Variants in TAFA5 observed in about 807,000 individuals in gnomAD.
The protein encoded by TAFA5 is TAFA chemokine like family member 5, also known as chemokine-like protein TAFA-5.
In TAFA5, 6 loss-of-function variants were observed where a neutral mutation model predicts 15.3. That is an observed-to-expected ratio of 0.39 (90% confidence interval 0.21 to 0.77). The LOEUF is 0.77. TAFA5 is among the 30% of genes least tolerant of loss of function. The probability of loss-of-function intolerance (pLI) is 0.41; values close to 1 mark genes in which losing one functional copy is unlikely to be tolerated. For synonymous variants in TAFA5, 103 were observed against 80.7 expected (o/e 1.28, Z -1.48); for missense variants, 161 against 193.1 (o/e 0.83, Z 0.98).
intron 3 of TAFA5, among the ~76,000 whole-genome samples, chr22:48,747,580 C>G (rs909723447): frequency 6.6e-6 from 1 of 152,094 alleles, no homozygotes; most frequent in African/African-American, 2.4e-5. Context: ...TTACTGGAAC[C>G]TTTAGTATGG....
At position 48,569,893 on chromosome 22, in the gene TAFA5, GGGGACTTCTTTGGGCCCTCAT is replaced by G. The variant is rs574547393; in HGVS notation, c.113-76700_113-76680del. Among the ~76,000 whole-genome samples the G allele has an allele frequency of 2.7e-3, 413 of 152,338 alleles. 6 individuals are homozygous for G. The East Asian group carries it at 0.073, about 27-fold the overall frequency. On this transcript the variant is annotated intron_variant, in intron 1 of 3. Transcript: ENST00000402357. ...TGGCCTGTCATGCTCTAGTCCTTCT[GGGGACTTCTTTGGGCCCTCAT>G]GGGCCATGCTGGATTTACCCCAATG...
At chr22:48,525,617 GC>G (rs1464981017) in intron 1 of TAFA5, among the ~76,000 whole-genome samples, 1 of 152,192 alleles carries the variant, frequency 6.6e-6, no homozygotes, top group African/African-American at 2.4e-5. Context: ...TTCCCTGGGG[GC>G]TTGTGGACCA....
At chr22:48,498,618 G>T (rs1169309518) in intron 1 of TAFA5, among the ~76,000 whole-genome samples, 1 of 152,068 alleles carries the variant, frequency 6.6e-6, no homozygotes, top group Non-Finnish European at 1.5e-5. Flanking sequence ...CCAGTTCAGG[G>T]TTTCTCAGGG....
intron 1 of TAFA5, among the ~76,000 whole-genome samples, chr22:48,519,974 T>A (rs1276353742): frequency 2.0e-5 from 3 of 152,244 alleles, no homozygotes; most frequent in Non-Finnish European, 4.4e-5. Flanking sequence ...TTAGTTAAGA[T>A]GTGGTCACAC....
chr22:48,587,580 T>C (rs890729881), intron 1 of TAFA5, among the ~76,000 whole-genome samples: 1 of 152,178 alleles, frequency 6.6e-6, no homozygotes, highest in Admixed American at 6.5e-5. Context: ...AATGGAGCCC[T>C]GGAGGGTCCC....
chr22:48,706,434 C>A (rs1256902925), intron 2 of TAFA5, among the ~76,000 whole-genome samples: 8 of 152,242 alleles, frequency 5.3e-5, no homozygotes, highest in Admixed American at 1.3e-4. Context: ...CACATGCAGT[C>A]CATCCACTTG....
chr22:48,589,819 G>GT (rs1924494970), intron 1 of TAFA5, among the ~76,000 whole-genome samples: 1 of 151,018 alleles, frequency 6.6e-6, no homozygotes. Context: ...GCTTTTAGAG[G>GT]AAGCGCAGGC....
chr22:48,743,699 A>G (rs893382118), intron 3 of TAFA5, among the ~76,000 whole-genome samples: 23 of 152,206 alleles, frequency 1.5e-4, no homozygotes, highest in African/African-American at 5.5e-4. Flanking sequence ...CGAGGCGCTG[A>G]CGTCTCTGAT....
intron 3 of TAFA5, among the ~76,000 whole-genome samples, chr22:48,739,244 T>C (rs1930113173): frequency 6.6e-6 from 1 of 152,168 alleles, no homozygotes. Flanking sequence ...AATATAATTT[T>C]CCCATATTTA....
At chr22:48,670,042 G>A (rs1045437281) in intron 2 of TAFA5, among the ~76,000 whole-genome samples, 4 of 152,120 alleles carry the variant, frequency 2.6e-5, no homozygotes, top group South Asian at 4.2e-4. Context: ...CCAAGCCTGC[G>A]AATCCCTCCT....
rs557923135 is a variant in TAFA5 at position 48,732,366 on chromosome 22, C to T, written c.391-17473C>T. On this transcript the variant is annotated intron_variant, in intron 3 of 3. Transcript: ENST00000402357. ...CCGCCTCCCGGGTTCACGCCATTCT[C>T]CTGCCTCAGCCTCCCGAGTAGGTGG... Among the ~76,000 whole-genome samples the T allele has an allele frequency of 2.6e-3, 389 of 152,324 alleles. 3 individuals are homozygous for T. The highest frequency in any genetic ancestry group is 8.9e-3 in the African/African-American group (370 of 41,578).
chr22:48,604,209 A>G (rs1341291756), intron 1 of TAFA5, among the ~76,000 whole-genome samples: 2 of 152,200 alleles, frequency 1.3e-5, no homozygotes, highest in Non-Finnish European at 2.9e-5. Flanking sequence ...GCCACAGTAC[A>G]GGCAACCTTG....
At chr22:48,719,036 G>T (rs1261106275) in intron 3 of TAFA5, among the ~76,000 whole-genome samples, 1 of 152,258 alleles carries the variant, frequency 6.6e-6, no homozygotes, top group Non-Finnish European at 1.5e-5. Context: ...GGGGAGCATA[G>T]CTGTTCTCAA....
At chr22:48,584,268 A>G (rs1924236401) in intron 1 of TAFA5, among the ~76,000 whole-genome samples, 1 of 107,580 alleles carries the variant, frequency 9.3e-6, no homozygotes, top group African/African-American at 3.4e-5. Flanking sequence ...TACATCACAC[A>G]CCACACACAC....
intron 1 of TAFA5, among the ~76,000 whole-genome samples, chr22:48,620,530 ATGT>A (rs1184425180): frequency 6.8e-6 from 1 of 147,722 alleles, no homozygotes; most frequent in Non-Finnish European, 1.5e-5. Flanking sequence ...TTGTTTTTTG[ATGT>A]TGTTGCTGAG....
At chr22:48,518,664 C>G (rs890183845) in intron 1 of TAFA5, among the ~76,000 whole-genome samples, 1 of 151,946 alleles carries the variant, frequency 6.6e-6, no homozygotes, top group South Asian at 2.1e-4. Flanking sequence ...GAGGGCTGAC[C>G]GAGGGGAGCC....
intron 1 of TAFA5, among the ~76,000 whole-genome samples, chr22:48,570,126 C>T (rs573944380): frequency 2.0e-5 from 3 of 152,350 alleles, no homozygotes; most frequent in East Asian, 3.9e-4. Flanking sequence ...CCGGTCCACA[C>T]TGGATGGATT....
At position 48,587,455 on chromosome 22, in the gene TAFA5, C is replaced by T. The variant is rs189033338; in HGVS notation, c.113-59142C>T. 1.2e-3 allele frequency among the ~76,000 whole-genome samples: 182 copies of T among 152,120 alleles called. 1 individual carries two copies. The highest frequency in any genetic ancestry group is 4.0e-3 in the African/African-American group (164 of 41,512). The stretch of plus-strand genomic sequence containing the variant: ...GGGCAGTCCAGGTGTGGGCTGCAGG[C>T]GGGTCGGGGTGGGCTGCAGGCAGGC... On this transcript the variant is annotated intron_variant, in intron 1 of 3. Coordinates refer to ENST00000402357, the MANE Select transcript of TAFA5 (RefSeq NM_001082967.3).
intron 1 of TAFA5, among the ~76,000 whole-genome samples, chr22:48,507,737 C>T (rs146500046): frequency 1.5e-4 from 23 of 152,152 alleles, no homozygotes; most frequent in East Asian, 3.9e-4. Flanking sequence ...GGTGGTCGAC[C>T]GGGACTGCCC....
Sources: gnomAD v4.1 joint callset for allele counts (sites outside exome capture counted in the v4.1 genomes callset) on GRCh38, gnomAD v4.1.1 for gene constraint, MANE v1.5 for transcripts, NCBI Gene and HGNC (gene_info 2026-07-23, HGNC 2026-07-21) for gene names.